Variants in ANTXR2 observed in about 807,000 individuals in gnomAD.
ANTXR2 encodes the protein ANTXR cell adhesion molecule 2.
Under a neutral mutation model 73.7 loss-of-function variants are expected in ANTXR2, and 44 were observed. That is an observed-to-expected ratio of 0.60 (90% CI 0.47 to 0.77). ANTXR2 has a LOEUF of 0.77. ANTXR2 is among the 30% of genes least tolerant of loss of function. ANTXR2 has a pLI of 0.00. For synonymous variants in ANTXR2, 217 were observed against 205.9 expected, an observed-to-expected ratio of 1.05 and a Z score of -0.46; for missense variants, 604 against 592.5, an observed-to-expected ratio of 1.02 and a Z score of -0.20.
At chr4:80,001,330 C>A (rs969800905) in intron 12 of ANTXR2, among the ~76,000 whole-genome samples, 1 of 127,398 alleles carries the variant, frequency 7.8e-6, no homozygotes, top group Admixed American at 9.0e-5. Flanking sequence ...CCCCACCCCA[C>A]AACAGTCCCC....
At chr4:80,045,174 T>C (rs1376267702) in intron 7 of ANTXR2, among the ~76,000 whole-genome samples, 2 of 151,722 alleles carry the variant, frequency 1.3e-5, no homozygotes, top group African/African-American at 4.8e-5. Flanking sequence ...ACTTAAGTTA[T>C]GTGTTATCTT....
At chr4:79,988,715 C>G (rs1226639752) in intron 12 of ANTXR2, among the ~76,000 whole-genome samples, 1 of 152,104 alleles carries the variant, frequency 6.6e-6, no homozygotes, top group Non-Finnish European at 1.5e-5. Flanking sequence ...GCATATGGCA[C>G]ATACTCTAAG....
At chr4:80,029,129 T>G (rs1242243138) in intron 10 of ANTXR2, among the ~76,000 whole-genome samples, 1 of 152,078 alleles carries the variant, frequency 6.6e-6, no homozygotes, top group African/African-American at 2.4e-5. Context: ...AAAATGTATC[T>G]CCTGGGTATT....
In ANTXR2 at chr4:79,907,363, T is replaced by C. The variant is rs1726955772; in HGVS notation, c.*66A>G. 6.6e-7 allele frequency: 1 copy of C among 1,526,458 alleles called. No individual in the cohort carries two copies. Among genetic ancestry groups the C allele is most frequent in the Non-Finnish European group, 9.0e-7 (1 of 1,107,516 alleles). The allele number at this position is 1,526,458 out of a possible 1,614,324, so 94.6% of individuals were successfully genotyped here. ...CTGAAATGCACTTGATTTTTTTCAT[T>C]TGGTTGAAAATCAGCTATGTGAAAA... On this transcript the variant is annotated 3_prime_UTR_variant, in exon 17 of 17. Transcript: ENST00000403729.
intron 10 of ANTXR2, among the ~76,000 whole-genome samples, chr4:80,027,038 A>G (rs1306880195): frequency 6.6e-6 from 1 of 152,170 alleles, no homozygotes; most frequent in Non-Finnish European, 1.5e-5. Flanking sequence ...GAAACAGAGA[A>G]AGCCCTTAGC....
chr4:79,912,851 TC>T (rs1427183447), intron 16 of ANTXR2, among the ~76,000 whole-genome samples: 1 of 152,110 alleles, frequency 6.6e-6, no homozygotes, highest in Admixed American at 6.6e-5. Flanking sequence ...AAGGAAACTT[TC>T]TAAAGATGAA....
In ANTXR2 at chr4:79,919,904, TATATATATATATATATAA is replaced by T. The variant is rs1394520392; in HGVS notation, c.1429-12455_1429-12438del. Among the ~76,000 whole-genome samples the T allele has an allele frequency of 7.4e-3, 129 of 17,494 alleles. 6 individuals carry two copies. Among genetic ancestry groups the T allele is most frequent in the African/African-American group, 0.02 (79 of 3,954 alleles). 11.5% of individuals were successfully genotyped at this position (17,494 alleles called of 152,430 possible). A position where few individuals can be genotyped will look rare whatever the true frequency, so the allele number is the denominator to read the frequency against. Reference sequence around the variant, plus strand: ...ATATATATATATATATATATATATATATATATATATATATATAAAAAATGATAGGGCAGACAAGTAATT... The same window carrying T: ...ATATATATATATATATATATATATATAAAATGATAGGGCAGACAAGTAATT... On this transcript the variant is annotated intron_variant, in intron 16 of 16. Coordinates refer to ENST00000403729, the MANE Select transcript of ANTXR2 (RefSeq NM_058172.6).
At chr4:79,993,744 CCACACACACACACA>C (rs370293519) in intron 12 of ANTXR2, among the ~76,000 whole-genome samples, 3 of 72,948 alleles carry the variant, frequency 4.1e-5, no homozygotes, top group Non-Finnish European at 8.7e-5. Flanking sequence ...TGGCAATACA[CCACACACACACACA>C]CGCACACACA....
intron 16 of ANTXR2, among the ~76,000 whole-genome samples, chr4:79,934,036 C>A (rs1728165022): frequency 6.6e-6 from 1 of 152,002 alleles, no homozygotes; most frequent in Admixed American, 6.6e-5. Context: ...TCGCGCCTGG[C>A]CAATTGTTTC....
intron 16 of ANTXR2, among the ~76,000 whole-genome samples, chr4:79,928,289 T>C (rs979250924): frequency 2.0e-5 from 3 of 149,696 alleles, no homozygotes; most frequent in Non-Finnish European, 4.4e-5. Context: ...CCCACTTATA[T>C]GTGTTGCCTA....
At chr4:79,990,425 G>A (rs1466095540) in intron 12 of ANTXR2, among the ~76,000 whole-genome samples, 7 of 139,348 alleles carry the variant, frequency 5.0e-5, no homozygotes, top group Non-Finnish European at 9.2e-5. Context: ...CAGCTAACCA[G>A]GGAGGCAAAA....
At chr4:80,042,643 T>G (rs1272099219) in intron 7 of ANTXR2, among the ~76,000 whole-genome samples, 6 of 152,004 alleles carry the variant, frequency 3.9e-5, no homozygotes, top group Non-Finnish European at 8.8e-5. Context: ...TACTTTATAT[T>G]GAATGTGAAT....
intron 10 of ANTXR2, among the ~76,000 whole-genome samples, chr4:80,021,364 A>T (rs992822460): frequency 2.0e-5 from 3 of 152,156 alleles, no homozygotes; most frequent in African/African-American, 7.2e-5. Flanking sequence ...CAAATAAAAA[A>T]TTGTCTTCCC....
At chr4:80,042,656 G>C (rs115184595) in intron 7 of ANTXR2, among the ~76,000 whole-genome samples, 1 of 151,964 alleles carries the variant, frequency 6.6e-6, no homozygotes, top group Non-Finnish European at 1.5e-5. Flanking sequence ...ATGTGAATAT[G>C]TGAATTGATA....
intron 11 of ANTXR2, among the ~76,000 whole-genome samples, chr4:80,016,350 T>G (rs1731871042): frequency 6.6e-6 from 1 of 152,134 alleles, no homozygotes; most frequent in African/African-American, 2.4e-5. Context: ...TTGCTCTTTC[T>G]CTATAATATG....
chr4:79,962,876 A>G (rs1729195882), intron 16 of ANTXR2, among the ~76,000 whole-genome samples: 1 of 152,184 alleles, frequency 6.6e-6, no homozygotes, highest in Non-Finnish European at 1.5e-5. Context: ...GGCTATCAAT[A>G]TACATATATT....
At chr4:79,928,865 A>G (rs968947877) in intron 16 of ANTXR2, among the ~76,000 whole-genome samples, 1 of 152,224 alleles carries the variant, frequency 6.6e-6, no homozygotes, top group African/African-American at 2.4e-5. Flanking sequence ...ATATATTTGC[A>G]AGGCATAAAG....
chr4:79,988,990 T>G (rs1007540531), intron 12 of ANTXR2, among the ~76,000 whole-genome samples: 3 of 152,082 alleles, frequency 2.0e-5, no homozygotes, highest in African/African-American at 7.2e-5. Context: ...GGGACACGGC[T>G]AAAGCAGTTT....
At chr4:80,002,169 G>T (rs769804617) in intron 12 of ANTXR2, among the ~76,000 whole-genome samples, 1 of 151,938 alleles carries the variant, frequency 6.6e-6, no homozygotes, top group Non-Finnish European at 1.5e-5. Flanking sequence ...ATACTACAAG[G>T]GTACAGTAAC....
Sources: allele counts gnomAD v4.1 joint callset (sites outside exome capture counted in the v4.1 genomes callset), GRCh38; gene constraint gnomAD v4.1.1; transcripts MANE v1.5; gene names NCBI Gene and HGNC (gene_info 2026-07-23, HGNC 2026-07-21).